SNTG1: variants seen among roughly 807,000 people sequenced by gnomAD.
The protein encoded by SNTG1 is gamma-1-syntrophin.
In SNTG1, 39 loss-of-function variants were observed where a neutral mutation model predicts 74.7. That is an observed-to-expected ratio of 0.52 (90% CI 0.40 to 0.68). The LOEUF (loss-of-function observed/expected upper bound fraction) is 0.68. Ranked by LOEUF, SNTG1 falls within the 30% of genes least tolerant of loss-of-function variation. The pLI is 0.00. For missense variants in SNTG1, 685 were observed against 609.5 expected (o/e 1.12, Z -1.30); for synonymous variants, 254 against 217.1 (o/e 1.17, Z -1.49).
chr8:49,921,894 C>T (rs142518862), intron 1 of SNTG1, among the ~76,000 whole-genome samples: 2,083 of 152,210 alleles, frequency 0.014, 51 homozygotes, highest in African/African-American at 0.045. Context: ...GAGTTCTCCA[C>T]TTGGAACATG....
At position 50,356,608 on chromosome 8, in the gene SNTG1, C is replaced by T. The variant is rs1197689240; in HGVS notation, c.-27-37604C>T. ...TAAGGAAGGGCCTTCTTGCTCTGTC[C>T]TCCCATGGCAGAAAGTGGAAAGGCA... On this transcript the variant is annotated intron_variant, in intron 2 of 18. Transcript: ENST00000642720. Among the ~76,000 whole-genome samples the T allele has an allele frequency of 2.0e-5, 3 of 152,110 alleles. No homozygotes were observed. In the East Asian group the frequency reaches 5.8e-4, roughly 29 times the overall value.
At chr8:50,499,422 C>A (rs1488011034) in intron 8 of SNTG1, among the ~76,000 whole-genome samples, 1 of 135,324 alleles carries the variant, frequency 7.4e-6, no homozygotes, top group Non-Finnish European at 1.6e-5. Context: ...GTTCCAGGAG[C>A]TTTTTTTTTT....
In SNTG1 at chr8:50,383,247, A is replaced by G. The variant is rs549822533; in HGVS notation, c.-27-10965A>G. ...TCATCCTTCTAACGAATATGATACAACAGTCCTTTGTATAATCAAAAACAC... is the reference window on the plus strand; with the variant it reads ...TCATCCTTCTAACGAATATGATACAGCAGTCCTTTGTATAATCAAAAACAC... On this transcript the variant is annotated intron_variant, in intron 2 of 18. Coordinates refer to ENST00000642720, the MANE Select transcript of SNTG1 (RefSeq NM_018967.5). 2.6e-5 allele frequency among the ~76,000 whole-genome samples: 4 copies of G among 152,308 alleles called. No homozygotes were observed. In the South Asian group the frequency reaches 8.3e-4, roughly 32 times the overall value.
At chr8:50,723,141 G>A (rs1464303692) in intron 17 of SNTG1, among the ~76,000 whole-genome samples, 1 of 152,088 alleles carries the variant, frequency 6.6e-6, no homozygotes, top group Non-Finnish European at 1.5e-5. Context: ...TGTTCTGGAG[G>A]AGCAAGCAGG....
chr8:50,709,423 G>T (rs2095455387), intron 17 of SNTG1, among the ~76,000 whole-genome samples: 1 of 152,004 alleles, frequency 6.6e-6, no homozygotes, highest in South Asian at 2.1e-4. Flanking sequence ...ATTATTGAAT[G>T]GTGAAAATTT....
At chr8:50,514,658 TAGGG>T (rs1387956243) in intron 9 of SNTG1, among the ~76,000 whole-genome samples, 2 of 152,184 alleles carry the variant, frequency 1.3e-5, no homozygotes, top group Non-Finnish European at 2.9e-5. Context: ...TGTAAACTAT[TAGGG>T]AGAATATTTT....
intron 1 of SNTG1, among the ~76,000 whole-genome samples, chr8:50,088,928 A>G (rs1037134189): frequency 6.6e-6 from 1 of 151,206 alleles, no homozygotes; most frequent in African/African-American, 2.4e-5. Flanking sequence ...ATGGAACCAA[A>G]AAAGAGCCCG....
chr8:50,225,199 C>G (rs944862077), intron 2 of SNTG1, among the ~76,000 whole-genome samples: 1 of 151,980 alleles, frequency 6.6e-6, no homozygotes, highest in African/African-American at 2.4e-5. Context: ...GTCTTGATCT[C>G]CTGACCTCGT....
At chr8:50,569,209 T>G (rs1197798672) in intron 12 of SNTG1, among the ~76,000 whole-genome samples, 1 of 152,174 alleles carries the variant, frequency 6.6e-6, no homozygotes, top group African/African-American at 2.4e-5. Flanking sequence ...CAGTAGTATT[T>G]ACCACATTGC....
chr8:50,385,508 G>T (rs2092560287), intron 2 of SNTG1, among the ~76,000 whole-genome samples: 1 of 152,130 alleles, frequency 6.6e-6, no homozygotes, highest in African/African-American at 2.4e-5. Context: ...TTGTTAATAA[G>T]CCTAGAATAG....
At chr8:50,674,827 C>T (rs1487810534) in intron 15 of SNTG1, among the ~76,000 whole-genome samples, 4 of 152,118 alleles carry the variant, frequency 2.6e-5, no homozygotes, top group Admixed American at 2.6e-4. Flanking sequence ...CCTCTAAACA[C>T]TGGTTTAGCT....
At chr8:50,505,744 T>G (rs1484552672) in intron 9 of SNTG1, among the ~76,000 whole-genome samples, 1 of 152,182 alleles carries the variant, frequency 6.6e-6, no homozygotes, top group African/African-American at 2.4e-5. Flanking sequence ...CTTCAGATAC[T>G]CTGGCTATTA....
At chr8:50,649,933 A>G (rs1283744849) in intron 13 of SNTG1, among the ~76,000 whole-genome samples, 1 of 151,780 alleles carries the variant, frequency 6.6e-6, no homozygotes, top group African/African-American at 2.4e-5. Flanking sequence ...ATAAATTCAT[A>G]TTATCAATGA....
chr8:50,717,424 A>T (rs2131581510), intron 17 of SNTG1, among the ~76,000 whole-genome samples: 1 of 152,342 alleles, frequency 6.6e-6, no homozygotes, highest in Middle Eastern at 3.4e-3. Context: ...AATGGGAATG[A>T]TATAACTTTG....
At chr8:50,494,613 A>G (rs1194157837) in intron 8 of SNTG1, among the ~76,000 whole-genome samples, 1 of 152,076 alleles carries the variant, frequency 6.6e-6, no homozygotes, top group Non-Finnish European at 1.5e-5. Flanking sequence ...TCAAAAGAAA[A>G]AAGAAAATGT....
intron 8 of SNTG1, among the ~76,000 whole-genome samples, chr8:50,481,406 C>T (rs760835765): frequency 2.2e-4 from 33 of 152,216 alleles, no homozygotes; most frequent in Non-Finnish European, 4.3e-4. Flanking sequence ...AACAACAAAA[C>T]ATACAGTGTA....
chr8:50,652,809 G>A (rs530153359), intron 13 of SNTG1, among the ~76,000 whole-genome samples: 1 of 151,214 alleles, frequency 6.6e-6, no homozygotes, highest in Admixed American at 6.6e-5. Context: ...ACAATAATAA[G>A]TAAATAAATA....
intron 3 of SNTG1, 72 bp from the exon 4 acceptor site, chr8:50,402,138 A>C: frequency 2.0e-6 from 3 of 1,485,490 alleles, no homozygotes; most frequent in Non-Finnish European, 2.7e-6. Flanking sequence ...TTTGCTGTAA[A>C]CTGGCCACAA....
chr8:50,410,620 G>A (rs2092936148), intron 4 of SNTG1, among the ~76,000 whole-genome samples: 1 of 152,120 alleles, frequency 6.6e-6, no homozygotes, highest in South Asian at 2.1e-4. Context: ...CTGAGATCTT[G>A]TTCATTTTAT....
Sources: gnomAD v4.1 joint callset for allele counts (sites outside exome capture counted in the v4.1 genomes callset) on GRCh38, gnomAD v4.1.1 for gene constraint, MANE v1.5 for transcripts, NCBI Gene and HGNC (gene_info 2026-07-23, HGNC 2026-07-21) for gene names.